The following MTOR variants were observed in gnomAD, a reference collection of about 807,000 sequenced individuals.
MTOR encodes serine/threonine-protein kinase mTOR.
A neutral mutation model predicts 319.8 loss-of-function variants in MTOR; 70 were observed. That is an observed-to-expected ratio of 0.22 (90% CI 0.18 to 0.27). The LOEUF (loss-of-function observed/expected upper bound fraction) is 0.27, where lower values mean the gene tolerates loss of function less well. MTOR is among the 10% of genes least tolerant of loss of function. MTOR has a pLI of 1.00. For missense variants in MTOR, 1,890 were observed against 3,274.4 expected, an observed-to-expected ratio of 0.58 and a Z score of 10.32; for synonymous variants, 1,183 against 1,211.4, an observed-to-expected ratio of 0.98 and a Z score of 0.49.
chr1:11,246,510 T>C (rs774786199), intron 8 of MTOR, among the ~76,000 whole-genome samples: 8 of 152,248 alleles, frequency 5.3e-5, no homozygotes, highest in Non-Finnish European at 8.8e-5. Flanking sequence ...AGTGGTTTTA[T>C]GTGGCGAATT....
rs2100431009 is a variant in MTOR, at chr1:11,130,617, G to C, written c.5525C>G (p.Ala1842Gly). The C allele has an allele frequency of 6.2e-7, 1 of 1,613,758 alleles. No homozygotes were observed. The highest frequency in any genetic ancestry group is 1.1e-5 in the South Asian group (1 of 91,056). Residue 1842 changes from alanine to glycine, a missense_variant, in exon 39 of 58, where the codon GCC becomes GGC. Coordinates refer to ENST00000361445, the MANE Select transcript of MTOR (RefSeq NM_004958.4). ...ATTAATATTT[A>G]STEGSNSESE... ...CTCACTGTTGCTGCCCTCGGTGCTG[G>C]CAGTGGTGGTGGCAGTGGCGGCCGT...
intron 34 of MTOR, among the ~76,000 whole-genome samples, chr1:11,141,000 G>A (rs74225561): frequency 2.0e-4 from 19 of 96,158 alleles, no homozygotes; most frequent in East Asian, 4.2e-4. Context: ...AAAAAAAAAA[G>A]ACTGTTGAGA....
At chr1:11,209,508 TG>T in intron 24 of MTOR, 50 bp from the exon 25 acceptor site, 13 of 1,602,490 alleles carry the variant, frequency 8.1e-6, no homozygotes, top group Non-Finnish European at 1.1e-5. Context: ...TAGATGCTTC[TG>T]GTTTAGGAAA....
intron 8 of MTOR, among the ~76,000 whole-genome samples, 174 bp downstream of exon 8, chr1:11,247,451 G>A (rs551609422): frequency 6.6e-6 from 1 of 152,288 alleles, no homozygotes; most frequent in South Asian, 2.1e-4. Flanking sequence ...TCCTGTGTCT[G>A]CTGCCTCTGA....
In MTOR at chr1:11,114,799, C is replaced by T. The variant is rs373599853; in HGVS notation, c.7164+14G>A. The T allele has an allele frequency of 1.6e-5, 26 of 1,613,200 alleles. No individual in the cohort carries two copies. In the Admixed American group the frequency reaches 1.8e-4, roughly 11 times the overall value. ...ATCCCATTTGGAAGCAGCTCGTTCC[C>T]GATATCCACTCACCTCCATAGCATT... On this transcript the variant is annotated intron_variant, in intron 52 of 57. Coordinates refer to ENST00000361445, the MANE Select transcript of MTOR (RefSeq NM_004958.4).
At chr1:11,139,695 T>C (rs1643596893) in intron 34 of MTOR, 37 bp from the exon 35 acceptor site, 2 of 1,612,804 alleles carry the variant, frequency 1.2e-6, no homozygotes, top group Non-Finnish European at 8.5e-7. Context: ...ATATGTCTTC[T>C]GATACATTGT....
rs1327546935 is a variant in MTOR at position 11,119,899 on chromosome 1, TC to T, written c.6933+1346del. Among the ~76,000 whole-genome samples the T allele has an allele frequency of 9.6e-4, 145 of 151,660 alleles. 1 individual carries two copies. Among genetic ancestry groups the T allele is most frequent in the South Asian group, 5.2e-3 (25 of 4,806 alleles). Reference sequence around the variant, plus strand: ...TCATATCTCTAAGTTAGGGCCCCCATCGGATCCCAAAATCTGCAATACTCAA... The same window carrying T: ...TCATATCTCTAAGTTAGGGCCCCCATGGATCCCAAAATCTGCAATACTCAA... On this transcript the variant is annotated intron_variant, in intron 49 of 57. Transcript: ENST00000361445.
intron 54 of MTOR, among the ~76,000 whole-genome samples, chr1:11,112,115 G>A (rs544441680): frequency 4.5e-4 from 68 of 152,224 alleles, no homozygotes; most frequent in African/African-American, 1.6e-3. Flanking sequence ...GCTCTCAGAG[G>A]GACACAAGTC....
rs778050055 is a variant in MTOR, at chr1:11,212,920, A to G, written c.3286-12T>C. 8.1e-6 allele frequency: 13 copies of G among 1,607,608 alleles called. No homozygotes were observed. The highest frequency in any genetic ancestry group is 1.7e-5 in the Admixed American group (1 of 59,986). On this transcript the variant is annotated splice_polypyrimidine_tract_variant and intron_variant, in intron 21 of 57. Transcript: ENST00000361445. The surrounding 1 kb of genome is among the most constrained non-coding windows in gnomAD (Gnocchi z 4.1). ...ATTGCAGCCAGTAACTGCAAAAGGG[A>G]GCAAAAGCATGGTGATGAATAGTCA...
At chr1:11,202,939 G>A (rs753366980) in intron 26 of MTOR, among the ~76,000 whole-genome samples, 4 of 151,718 alleles carry the variant, frequency 2.6e-5, no homozygotes, top group South Asian at 4.1e-4. Flanking sequence ...CAGGCGGGGC[G>A]TGGTGGCTCA....
In MTOR at chr1:11,259,245, C is replaced by T. The variant is rs1650804232; in HGVS notation, c.162+3G>A. On this transcript the variant is annotated splice_donor_region_variant and intron_variant, in intron 2 of 57. Coordinates refer to ENST00000361445, the MANE Select transcript of MTOR (RefSeq NM_004958.4). ...AATGACTGGCCCCAGATCCCAGAAG[C>T]ACCTCTCGGAGTTCCATGGTGACAT... 1 of 1,613,242 alleles carries T rather than the reference C, an allele frequency of 6.2e-7. No individual in the cohort carries two copies. The highest frequency in any genetic ancestry group is 8.5e-7 in the Non-Finnish European group (1 of 1,179,676).
Position 11,231,294 on chromosome 1 carries a change from C to T in MTOR, c.2649+6G>A. The stretch of plus-strand genomic sequence containing the variant: ...CTTTAAAGACCAAGTTTGCCACGTC[C>T]CCTACCTCTCTGCGTGTACCCTGGT... On this transcript the variant is annotated splice_donor_region_variant and intron_variant, in intron 17 of 57. Coordinates refer to ENST00000361445, the MANE Select transcript of MTOR (RefSeq NM_004958.4). The T allele has an allele frequency of 6.2e-7, 1 of 1,613,872 alleles. No homozygotes were observed. Among genetic ancestry groups the T allele is most frequent in the Non-Finnish European group, 8.5e-7 (1 of 1,179,902 alleles).
intron 39 of MTOR, among the ~76,000 whole-genome samples, chr1:11,130,325 G>C (rs1443651113): frequency 1.3e-5 from 2 of 152,236 alleles, no homozygotes; most frequent in African/African-American, 4.8e-5. Context: ...CTTCAGCATA[G>C]AGGCTGCGTC....
chr1:11,118,160 C>G (rs1028558638), intron 49 of MTOR, among the ~76,000 whole-genome samples: 1 of 151,050 alleles, frequency 6.6e-6, no homozygotes, highest in Non-Finnish European at 1.5e-5. Context: ...ATTATTTGGC[C>G]AACAGTGTGG....
chr1:11,146,617 G>T, intron 32 of MTOR, 59 bp downstream of exon 32: 1 of 1,345,494 alleles, frequency 7.4e-7, no homozygotes, highest in Non-Finnish European at 1.1e-6. Flanking sequence ...AGCACCGTGG[G>T]CTTAGAAGCA....
At chr1:11,165,804 A>G (rs1003739215) in intron 29 of MTOR, among the ~76,000 whole-genome samples, 3 of 152,238 alleles carry the variant, frequency 2.0e-5, no homozygotes, top group Admixed American at 6.5e-5. Context: ...CTAAGCCAAA[A>G]GAACAAAGCT....
chr1:11,144,945 T>C (rs1416879614), intron 33 of MTOR, 23 bp downstream of exon 33: 3 of 1,610,694 alleles, frequency 1.9e-6, no homozygotes, highest in Non-Finnish European at 1.7e-6. Context: ...AAAATGACAA[T>C]GTGCAGAATA....
intron 20 of MTOR, among the ~76,000 whole-genome samples, chr1:11,214,383 T>C (rs1328456341): frequency 1.3e-5 from 2 of 152,234 alleles, no homozygotes; most frequent in Non-Finnish European, 2.9e-5. Flanking sequence ...GCCTCAGTGC[T>C]GCAAAGCAAA....
Position 11,107,122 on chromosome 1 carries a change from C to T in MTOR, c.*363G>A, listed in dbSNP as rs1641617145. 1 of 1,377,170 alleles carries T rather than the reference C, an allele frequency of 7.3e-7. No homozygotes were observed. The highest frequency in any genetic ancestry group is 9.6e-7 in the Non-Finnish European group (1 of 1,043,410). The allele number at this position is 1,377,170 out of a possible 1,614,324, so 85.3% of individuals were successfully genotyped here. On this transcript the variant is annotated 3_prime_UTR_variant, in exon 58 of 58. Transcript: ENST00000361445. The stretch of plus-strand genomic sequence containing the variant: ...TTTGCTGTACCCATGTTGAGAGGAG[C>T]AACTAGGTCATTCTTCCATCAGCAA...
Sources: gnomAD v4.1 joint callset for allele counts (sites outside exome capture counted in the v4.1 genomes callset) on GRCh38, gnomAD v4.1.1 for gene constraint, Gnocchi (gnomAD v3.1) non-coding constraint, MANE v1.5 for transcripts, NCBI Gene and HGNC (gene_info 2026-07-23, HGNC 2026-07-21) for gene names.